The following CEP68 variants were observed in gnomAD, a reference collection of about 807,000 sequenced individuals.
CEP68 encodes centrosomal protein 68.
CEP68 carries 26 observed loss-of-function variants against 55.3 expected under a neutral mutation model. That is an observed-to-expected ratio of 0.47 (90% CI 0.34 to 0.65). The LOEUF (loss-of-function observed/expected upper bound fraction) is 0.65. CEP68 is among the 30% of genes least tolerant of loss of function. The pLI is 0.01. For missense variants in CEP68, 957 were observed against 946.7 expected (o/e 1.01, Z -0.14); for synonymous variants, 402 against 383.2 (o/e 1.05, Z -0.57).
At chr2:65,079,213 G>C (rs1676897342) in intron 5 of CEP68, among the ~76,000 whole-genome samples, 2 of 152,214 alleles carry the variant, frequency 1.3e-5, no homozygotes, top group South Asian at 4.1e-4. Context: ...TGACCAGCAT[G>C]GTGGGCAGGT....
Position 65,057,747 on chromosome 2 carries a change from C to T in CEP68, c.-47+1219C>T, listed in dbSNP as rs1675705619. 2.0e-5 allele frequency among the ~76,000 whole-genome samples: 3 copies of T among 152,334 alleles called. No homozygotes were observed. In the South Asian group the frequency reaches 6.2e-4, roughly 32 times the overall value. On this transcript the variant is annotated intron_variant, in intron 1 of 6. Coordinates refer to ENST00000377990, the MANE Select transcript of CEP68 (RefSeq NM_015147.3). ...TAACTTCTTGAGCGAGTTATTCTTACAGGTTAGGAAGGCAGCTAAGCTCAG... is the reference window on the plus strand; with the variant it reads ...TAACTTCTTGAGCGAGTTATTCTTATAGGTTAGGAAGGCAGCTAAGCTCAG...
At chr2:65,059,751 A>G (rs1012710485) in intron 1 of CEP68, among the ~76,000 whole-genome samples, 1 of 152,202 alleles carries the variant, frequency 6.6e-6, no homozygotes, top group Admixed American at 6.5e-5. Flanking sequence ...TTACCAAGTC[A>G]TCTGGAGATA....
In CEP68 at chr2:65,084,230, C is replaced by T. The variant is rs1668958438; in HGVS notation, c.*596C>T. 1.3e-5 allele frequency: 2 copies of T among 152,148 alleles called. No homozygotes were observed. Among genetic ancestry groups the T allele is most frequent in the African/African-American group, 4.8e-5 (2 of 41,436 alleles). 9.4% of individuals were successfully genotyped at this position (152,148 alleles called of 1,614,324 possible). On this transcript the variant is annotated 3_prime_UTR_variant, in exon 7 of 7. Coordinates refer to ENST00000377990, the MANE Select transcript of CEP68 (RefSeq NM_015147.3). ...AGATTATGACACCTTTTGCCATCTT[C>T]AGGGCTTACGTCTTTACTTTCTTGG...
chr2:65,077,825 A>C, intron 4 of CEP68, 43 bp from the exon 5 acceptor site: 1 of 1,438,000 alleles, frequency 7.0e-7, no homozygotes, highest in Non-Finnish European at 9.8e-7. Flanking sequence ...ACAAAACAAT[A>C]GTAACGAAGC....
intron 6 of CEP68, among the ~76,000 whole-genome samples, chr2:65,083,064 AT>A (rs1393774239): frequency 1.3e-5 from 2 of 152,182 alleles, no homozygotes; most frequent in African/African-American, 4.8e-5. Flanking sequence ...GTATGGGGCC[AT>A]GACCTGGCCA....
chr2:65,082,487 C>G, intron 5 of CEP68, 49 bp from the exon 6 acceptor site: 1 of 1,466,046 alleles, frequency 6.8e-7, no homozygotes. Context: ...CTGGACAACA[C>G]TTGCATGGGT....
intron 3 of CEP68, chr2:65,073,866 A>G (rs555347436): frequency 8.3e-5 from 15 of 181,480 alleles, no homozygotes; most frequent in Middle Eastern, 2.6e-3. Context: ...GCCATGAGGT[A>G]AAGTTGTTCT....
At chr2:65,080,730 G>A (rs1375258022) in intron 5 of CEP68, among the ~76,000 whole-genome samples, 1 of 151,912 alleles carries the variant, frequency 6.6e-6, no homozygotes, top group Non-Finnish European at 1.5e-5. Context: ...GGGCAGGAGA[G>A]TCGCTTGAAC....
At position 65,086,098 on chromosome 2, in the gene CEP68, A is replaced by G. The variant is rs1378848991; in HGVS notation, c.*2464A>G. 6.6e-6 allele frequency: 1 copy of G among 152,182 alleles called. No individual in the cohort carries two copies. Among genetic ancestry groups the G allele is most frequent in the East Asian group, 1.9e-4 (1 of 5,190 alleles). The allele number at this position is 152,182 out of a possible 1,614,324, so 9.4% of individuals were successfully genotyped here. A position where few individuals can be genotyped will look rare whatever the true frequency, so the allele number is the denominator to read the frequency against. On this transcript the variant is annotated 3_prime_UTR_variant, in exon 7 of 7. Coordinates refer to ENST00000377990, the MANE Select transcript of CEP68 (RefSeq NM_015147.3). ...CGTCAACACGGCTATTTTGAAGCTTAGGTGGGAATGGAACACAAAGAAGGT... is the reference window on the plus strand; with the variant it reads ...CGTCAACACGGCTATTTTGAAGCTTGGGTGGGAATGGAACACAAAGAAGGT...
At chr2:65,061,841 TC>T (rs1675927416) in intron 1 of CEP68, among the ~76,000 whole-genome samples, 1 of 152,224 alleles carries the variant, frequency 6.6e-6, no homozygotes, top group African/African-American at 2.4e-5. Flanking sequence ...TCATGTGACC[TC>T]CCATGCCTGC....
chr2:65,071,992 A>T lies in CEP68; in HGVS notation c.896A>T (p.Tyr299Phe). 3.7e-6 allele frequency: 6 copies of T among 1,613,092 alleles called. No individual in the cohort carries two copies. Among genetic ancestry groups the T allele is most frequent in the Non-Finnish European group, 5.1e-6 (6 of 1,180,000 alleles). ...HSPLWNPNKE[Y>F]EDLLDYTYPL... ...CCTCTCTGGAACCCAAATAAAGAGTATGAAGATCTGCTTGACTATACTTAC... is the reference window on the plus strand; with the variant it reads ...CCTCTCTGGAACCCAAATAAAGAGTTTGAAGATCTGCTTGACTATACTTAC... Residue 299 changes from tyrosine to phenylalanine, a missense_variant, in exon 3 of 7, where the codon TAT becomes TTT. Physicochemically the swap from Tyr to Phe is conservative, Grantham distance 22. Transcript: ENST00000377990.
At chr2:65,078,964 G>A (rs951854504) in intron 5 of CEP68, among the ~76,000 whole-genome samples, 1 of 152,242 alleles carries the variant, frequency 6.6e-6, no homozygotes, top group African/African-American at 2.4e-5. Flanking sequence ...TTTACAGGAC[G>A]AGGGCATGGG....
At chr2:65,073,303 A>G (rs1396919162) in intron 3 of CEP68, 1 of 396,248 alleles carries the variant, frequency 2.5e-6, no homozygotes, top group African/African-American at 2.1e-5. Context: ...TTCCTAACTC[A>G]GAGGTATTCT....
intron 4 of CEP68, chr2:65,075,377 T>G (rs922627277): frequency 6.6e-6 from 1 of 152,182 alleles, no homozygotes; most frequent in Non-Finnish European, 1.5e-5. Context: ...CACTCCAGCC[T>G]GGGCCACAGA....
intron 1 of CEP68, among the ~76,000 whole-genome samples, chr2:65,068,446 C>A (rs1264012711): frequency 6.6e-6 from 1 of 152,192 alleles, no homozygotes; most frequent in South Asian, 2.1e-4. Context: ...CTGTGTTACA[C>A]TTACCCTACC....
chr2:65,069,540 C>T lies in CEP68; in HGVS notation c.96C>T (p.Asp32=), dbSNP rs1224629150. 6.2e-7 allele frequency: 1 copy of T among 1,601,558 alleles called. No individual in the cohort carries two copies. Among genetic ancestry groups the T allele is most frequent in the African/African-American group, 1.3e-5 (1 of 74,592 alleles). The change falls in exon 2 of 7, where the codon GAC becomes GAT. Residue 32 remains aspartate, a synonymous_variant. Coordinates refer to ENST00000377990, the MANE Select transcript of CEP68 (RefSeq NM_015147.3). ...GGAGCTGCAGGGAGCGGGAGCTGGA[C>T]ATCCCAGGGCCCATGAGTGGGGAGC... is the stretch of plus-strand genomic sequence containing the variant. ...GRGSCREREL[D]IPGPMSGEQP...
chr2:65,056,895 CG>C (rs1048447721), intron 1 of CEP68, among the ~76,000 whole-genome samples: 4 of 152,148 alleles, frequency 2.6e-5, no homozygotes, highest in African/African-American at 9.7e-5. Context: ...GCCTGGGCCC[CG>C]GGGGAGGTCA....
At chr2:65,061,679 A>G (rs1445504702) in intron 1 of CEP68, among the ~76,000 whole-genome samples, 1 of 152,264 alleles carries the variant, frequency 6.6e-6, no homozygotes, top group African/African-American at 2.4e-5. Flanking sequence ...GGGCAGGAGC[A>G]GGTGGAGCAG....
chr2:65,066,050 G>A lies in CEP68; in HGVS notation c.-46-3349G>A, dbSNP rs571155064. ...CTGGAGCCTGTCCCAGCAGCTGAGG[G>A]TGTAAGGAGGGAACCAATCATGGGC... On this transcript the variant is annotated intron_variant, in intron 1 of 6. Coordinates refer to ENST00000377990, the MANE Select transcript of CEP68 (RefSeq NM_015147.3). Among the ~76,000 whole-genome samples, 3 of 152,206 alleles carry A rather than the reference G, an allele frequency of 2.0e-5. 1 individual carries two copies. In the East Asian group the frequency reaches 5.8e-4, roughly 29 times the overall value.
Sources: gnomAD v4.1 joint callset for allele counts (sites outside exome capture counted in the v4.1 genomes callset) on GRCh38, gnomAD v4.1.1 for gene constraint, MANE v1.5 for transcripts, NCBI Gene and HGNC (gene_info 2026-07-23, HGNC 2026-07-21) for gene names.